GPALPP1: variants seen among roughly 807,000 people sequenced by gnomAD.
The protein encoded by GPALPP1 is GPALPP motifs containing 1, also known as GPALPP motifs-containing protein 1.
In GPALPP1, 30 loss-of-function variants were observed where a neutral mutation model predicts 38.9. That is an observed-to-expected ratio of 0.77 (90% CI 0.58 to 1.05). The LOEUF (loss-of-function observed/expected upper bound fraction) is 1.05, where lower values mean the gene tolerates loss of function less well. Among genes scored for constraint, GPALPP1 ranks in the 50% least tolerant of loss-of-function variants. The pLI, the probability that GPALPP1 is intolerant of heterozygous loss-of-function variation, is 0.00. For missense variants in GPALPP1, 384 were observed against 408.8 expected (o/e 0.94, Z 0.52); for synonymous variants, 120 against 139.2 (o/e 0.86, Z 0.97).
intron 7 of GPALPP1, among the ~76,000 whole-genome samples, chr13:45,024,386 A>C (rs1453298729): frequency 5.3e-5 from 8 of 149,590 alleles, no homozygotes; most frequent in Non-Finnish European, 1.0e-4. Flanking sequence ...TGCAGTCTCC[A>C]CCTCCTGGGT....
chr13:45,022,259 G>GA (rs1875483133), intron 7 of GPALPP1, among the ~76,000 whole-genome samples: 1 of 151,972 alleles, frequency 6.6e-6, no homozygotes, highest in Non-Finnish European at 1.5e-5. Flanking sequence ...TCTATGGTGG[G>GA]AAAAAAATCA....
At chr13:45,035,021 A>G (rs895883805), downstream of GPALPP1, 8 of 136,726 alleles carry the variant, frequency 5.9e-5, no homozygotes, top group South Asian at 1.3e-3. Flanking sequence ...CAGTGGCGCC[A>G]TCTCGGCTCA....
chr13:44,989,797 G>A, intron 1 of GPALPP1, 55 bp downstream of exon 1: 2 of 1,360,802 alleles, frequency 1.5e-6, no homozygotes, highest in African/African-American at 2.8e-5. Flanking sequence ...TCCCTGGCCG[G>A]GCCCTGCTCG....
intron 7 of GPALPP1, among the ~76,000 whole-genome samples, chr13:45,022,435 T>C (rs1279762023): frequency 3.3e-5 from 5 of 151,912 alleles, no homozygotes; most frequent in Admixed American, 1.3e-4. Context: ...TAAATATATA[T>C]ATAAAAAAAC....
At chr13:45,008,677 A>G in intron 3 of GPALPP1, 118 bp from the exon 4 acceptor site, 1 of 601,412 alleles carries the variant, frequency 1.7e-6, no homozygotes, top group Non-Finnish European at 3.0e-6. Context: ...AAAGTGTTAA[A>G]TAAAATTCTT....
rs887967123 is a variant in GPALPP1 at position 44,995,011 on chromosome 13, CCTAA to C, written c.88+5274_88+5277del. Among the ~76,000 whole-genome samples the C allele has an allele frequency of 1.3e-5, 2 of 152,004 alleles. 1 individual carries two copies. Among genetic ancestry groups the C allele is most frequent in the Non-Finnish European group, 2.9e-5 (2 of 68,012 alleles). ...TGGGATACAGGCGTGCACCACCACA[CCTAA>C]CTAATTTTGTATTTTTAGTAGAGAG... On this transcript the variant is annotated intron_variant, in intron 1 of 7. Coordinates refer to ENST00000379151, the MANE Select transcript of GPALPP1 (RefSeq NM_018559.5).
In GPALPP1 at chr13:45,004,373, A is replaced by G. The variant is rs769366212; in HGVS notation, c.157A>G (p.Ser53Gly). 35 of 1,605,608 alleles carry G rather than the reference A, an allele frequency of 2.2e-5. No homozygotes were observed. In the East Asian group the frequency reaches 7.8e-4, roughly 36 times the overall value. The change falls in exon 2 of 8, where the codon AGT becomes GGT. Residue 53 changes from serine to glycine, a missense_variant. Ser to Gly is a moderately conservative substitution (Grantham distance 56). Transcript: ENST00000379151. ...SSDSSDSDED[S>G]SSLYEEGNQE... ...AGATTCATCAGACAGCGATGAAGAC[A>G]GTAGTTCTTTGTACGAAGAAGGAAA...
chr13:45,011,901 A>G (rs1192600876), intron 4 of GPALPP1, among the ~76,000 whole-genome samples: 2 of 152,198 alleles, frequency 1.3e-5, no homozygotes, highest in African/African-American at 4.8e-5. Flanking sequence ...CTGAGATGAC[A>G]TCGTCAGGCT....
chr13:44,992,286 G>T (rs1872859180), intron 1 of GPALPP1, among the ~76,000 whole-genome samples: 1 of 152,008 alleles, frequency 6.6e-6, no homozygotes, highest in Non-Finnish European at 1.5e-5. Context: ...ATGAATACAT[G>T]CTGTGTTCAG....
downstream of GPALPP1, among the ~76,000 whole-genome samples, chr13:45,032,272 AGAAAAAG>A (rs1566087755): frequency 6.6e-6 from 1 of 151,490 alleles, no homozygotes; most frequent in African/African-American, 2.4e-5. Flanking sequence ...CTAAAAAAAA[AGAAAAAG>A]AAAAAAGAGA....
intron 7 of GPALPP1, among the ~76,000 whole-genome samples, chr13:45,020,942 C>T (rs1477409600): frequency 2.0e-5 from 3 of 152,236 alleles, no homozygotes; most frequent in East Asian, 1.9e-4. Context: ...CCCCTACTCA[C>T]TCATGGAGAT....
At chr13:45,019,042 TATATAAATATAAATATATACATATAA>T (rs1566082042) in intron 6 of GPALPP1, among the ~76,000 whole-genome samples, 3 of 78,780 alleles carry the variant, frequency 3.8e-5, no homozygotes, top group African/African-American at 7.6e-5. Flanking sequence ...TACATAGAAA[TATATAAATATAAATATATACATATAA>T]ATATATACAT....
At chr13:45,015,692 A>T in intron 6 of GPALPP1, 96 bp downstream of exon 6, 3 of 837,012 alleles carry the variant, frequency 3.6e-6, no homozygotes, top group Non-Finnish European at 3.4e-6. Flanking sequence ...ACTATTTTTT[A>T]AAATTATGAT....
chr13:45,037,172 A>G (rs1876418965), exon 8 of GPALPP1: 1 of 152,176 alleles, frequency 6.6e-6, no homozygotes, highest in East Asian at 1.9e-4. Context: ...TGATGGGGTA[A>G]TGTTGGCCAA....
intron 4 of GPALPP1, among the ~76,000 whole-genome samples, chr13:45,011,532 G>A (rs973819453): frequency 1.3e-5 from 2 of 152,142 alleles, no homozygotes; most frequent in African/African-American, 4.8e-5. Flanking sequence ...AGAAGACTGA[G>A]TGCCCAGCGA....
rs889929628 is a variant in GPALPP1, at chr13:45,008,781, A to G, written c.324-14A>G. 1.4e-6 allele frequency: 2 copies of G among 1,401,586 alleles called. No homozygotes were observed. Among genetic ancestry groups the G allele is most frequent in the African/African-American group, 1.4e-5 (1 of 70,564 alleles). The allele number at this position is 1,401,586 out of a possible 1,614,324, so 86.8% of individuals were successfully genotyped here. On this transcript the variant is annotated splice_polypyrimidine_tract_variant and intron_variant, in intron 3 of 7. Coordinates refer to ENST00000379151, the MANE Select transcript of GPALPP1 (RefSeq NM_018559.5). ...AAGTCAGGGAGAATGATAAAAGTAC[A>G]TTTTATTTTTCAGGCCCATAATAGG...
exon 8 of GPALPP1, chr13:45,037,018 A>C (rs1593415623): frequency 1.3e-5 from 2 of 152,228 alleles, no homozygotes; most frequent in Non-Finnish European, 2.9e-5. Flanking sequence ...AATAAAAGCT[A>C]CAAGGGTGCA....
intron 3 of GPALPP1, among the ~76,000 whole-genome samples, chr13:45,006,848 T>C (rs1000971361): frequency 3.3e-5 from 5 of 152,136 alleles, no homozygotes; most frequent in African/African-American, 9.7e-5. Flanking sequence ...TTAATTTATA[T>C]GGAGCCTGGC....
intron 4 of GPALPP1, among the ~76,000 whole-genome samples, chr13:45,011,661 G>A (rs1241219332): frequency 6.6e-6 from 1 of 152,144 alleles, no homozygotes. Flanking sequence ...TCCGACACGT[G>A]GGGATTATGG....
Sources: gnomAD v4.1 joint callset for allele counts (sites outside exome capture counted in the v4.1 genomes callset) on GRCh38, gnomAD v4.1.1 for gene constraint, MANE v1.5 for transcripts, NCBI Gene and HGNC (gene_info 2026-07-23, HGNC 2026-07-21) for gene names.